The following CSMD1 variants were observed in gnomAD, a reference collection of about 807,000 sequenced individuals.
CSMD1 encodes CUB and Sushi multiple domains 1.
CSMD1 carries 213 observed loss-of-function variants against 417.5 expected under a neutral mutation model. The ratio of observed to expected loss-of-function variants is 0.51; its 90% CI spans 0.46 to 0.57. CSMD1 has a LOEUF of 0.57. Among genes scored for constraint, CSMD1 ranks in the 20% least tolerant of loss-of-function variants. The pLI, the probability that CSMD1 is intolerant of heterozygous loss-of-function variation, is 0.00. For synonymous variants in CSMD1, 2,862 were observed against 1,736.8 expected (o/e 1.65, Z -16.11); for missense variants, 6,923 against 4,529.7 (o/e 1.53, Z -15.17).
chr8:4,522,986 T>A (rs1455853607), intron 2 of CSMD1, among the ~76,000 whole-genome samples: 1 of 152,018 alleles, frequency 6.6e-6, no homozygotes, highest in African/African-American at 2.4e-5. Context: ...ATGTTCAAAG[T>A]CCCCCAAGTA....
intron 12 of CSMD1, among the ~76,000 whole-genome samples, chr8:3,452,854 C>G (rs1815840466): frequency 6.6e-6 from 1 of 152,184 alleles, no homozygotes; most frequent in Non-Finnish European, 1.5e-5. Context: ...GGAGGATTCC[C>G]TCTTTTTCTA....
intron 3 of CSMD1, among the ~76,000 whole-genome samples, chr8:4,187,880 C>T (rs1210767188): frequency 3.9e-5 from 6 of 151,930 alleles, no homozygotes; most frequent in Non-Finnish European, 5.9e-5. Flanking sequence ...TCTCTCAGGC[C>T]ATGGCAGCAC....
intron 1 of CSMD1, among the ~76,000 whole-genome samples, chr8:4,915,640 C>T (rs887575373): frequency 2.0e-5 from 3 of 152,212 alleles, no homozygotes; most frequent in Admixed American, 2.0e-4. Context: ...TCCCAACCTT[C>T]ACACCCAGAC....
chr8:3,395,185 G>A (rs566436940), intron 17 of CSMD1, among the ~76,000 whole-genome samples: 1 of 152,156 alleles, frequency 6.6e-6, no homozygotes, highest in African/African-American at 2.4e-5. Flanking sequence ...ATACGTGTGG[G>A]TATATGTAAA....
At chr8:3,163,719 C>A (rs886087804) in intron 37 of CSMD1, among the ~76,000 whole-genome samples, 4 of 152,170 alleles carry the variant, frequency 2.6e-5, no homozygotes, top group Non-Finnish European at 5.9e-5. Context: ...AGTGCCCACT[C>A]AGGAAGCAGC....
chr8:4,426,491 A>G (rs1198485883), intron 2 of CSMD1, among the ~76,000 whole-genome samples: 1 of 148,038 alleles, frequency 6.8e-6, no homozygotes. Flanking sequence ...TGACATATAT[A>G]GTAAAGTTTT....
At chr8:3,340,870 C>G (rs1807597089) in intron 23 of CSMD1, among the ~76,000 whole-genome samples, 1 of 152,042 alleles carries the variant, frequency 6.6e-6, no homozygotes, top group Admixed American at 6.6e-5. Context: ...GCAGGTGGAA[C>G]AGAAAGGTGA....
At chr8:2,968,465 C>G (rs370236093) in intron 57 of CSMD1, among the ~76,000 whole-genome samples, 9 of 152,278 alleles carry the variant, frequency 5.9e-5, no homozygotes, top group Admixed American at 4.6e-4. Context: ...TGTAAGGAAA[C>G]TAAAATGTTA....
chr8:3,760,731 C>A (rs1171310415), intron 5 of CSMD1, among the ~76,000 whole-genome samples: 1 of 152,136 alleles, frequency 6.6e-6, no homozygotes, highest in Admixed American at 6.5e-5. Flanking sequence ...TACATTAAGC[C>A]AGATTTCTTA....
intron 3 of CSMD1, among the ~76,000 whole-genome samples, chr8:4,308,554 G>C (rs553482970): frequency 6.6e-6 from 1 of 152,166 alleles, no homozygotes. Context: ...CGTTGTCTTC[G>C]ATATATCTTC....
rs144382240 is a variant in CSMD1 at position 3,666,638 on chromosome 8, G to C, written c.1009+41776C>G. ...GAGAGGGACCCAGAGGGAGATAATT[G>C]AATCATGGGGGCAGTTTCCCCCATA... On this transcript the variant is annotated intron_variant, in intron 7 of 69. Transcript: ENST00000635120. Among the ~76,000 whole-genome samples, 605 of 152,258 alleles carry C rather than the reference G, an allele frequency of 4.0e-3. 3 individuals carry two copies. Among genetic ancestry groups the C allele is most frequent in the African/African-American group, 0.014 (581 of 41,540 alleles).
At chr8:4,361,689 C>T (rs1453615633) in intron 3 of CSMD1, among the ~76,000 whole-genome samples, 2 of 152,088 alleles carry the variant, frequency 1.3e-5, no homozygotes, top group Admixed American at 6.6e-5. Flanking sequence ...GACGGCTTGG[C>T]TCACGCCTGT....
At chr8:3,946,093 A>T (rs1811205301) in intron 5 of CSMD1, among the ~76,000 whole-genome samples, 1 of 152,064 alleles carries the variant, frequency 6.6e-6, no homozygotes, top group Admixed American at 6.6e-5. Context: ...TCTGTGGAGG[A>T]CTTTATCGCT....
chr8:4,882,718 A>G (rs1803490943), intron 1 of CSMD1, among the ~76,000 whole-genome samples: 1 of 151,890 alleles, frequency 6.6e-6, no homozygotes, highest in Non-Finnish European at 1.5e-5. Context: ...CCAGACTAAA[A>G]CACCTTTATA....
chr8:4,001,591 G>C (rs573553072), intron 4 of CSMD1, among the ~76,000 whole-genome samples: 38 of 152,250 alleles, frequency 2.5e-4, no homozygotes, highest in South Asian at 8.3e-4. Flanking sequence ...GGCTGAGCTG[G>C]ATAAACTGCA....
chr8:3,604,681 G>C (rs903468090), intron 8 of CSMD1, among the ~76,000 whole-genome samples: 1 of 152,146 alleles, frequency 6.6e-6, no homozygotes, highest in Non-Finnish European at 1.5e-5. Flanking sequence ...AAGAGCTAGA[G>C]GTCCCTAGAT....
chr8:4,172,943 C>G (rs963604612), intron 3 of CSMD1, among the ~76,000 whole-genome samples: 1 of 152,090 alleles, frequency 6.6e-6, no homozygotes, highest in Non-Finnish European at 1.5e-5. Context: ...TACAGAAAAA[C>G]CTCGAGGGCT....
rs1437555406 is a variant in CSMD1, at chr8:2,950,174, C to T, written c.10314+57G>A. 2.6e-6 allele frequency: 3 copies of T among 1,165,608 alleles called. No homozygotes were observed. The African/African-American group carries it at 4.6e-5, about 18-fold the overall frequency. The allele number at this position is 1,165,608 out of a possible 1,614,324, so 72.2% of individuals were successfully genotyped here. A position where few individuals can be genotyped will look rare whatever the true frequency, so the allele number is the denominator to read the frequency against. ...CTCCAATCCGTAGCCCTTGCATCTG[C>T]ACAGAGAGATGATTAGAAAGCCTGT... On this transcript the variant is annotated intron_variant, in intron 67 of 69. Transcript: ENST00000635120.
At chr8:3,199,682 T>C in intron 33 of CSMD1, 32 bp downstream of exon 33, 1 of 1,411,542 alleles carries the variant, frequency 7.1e-7, no homozygotes, top group Non-Finnish European at 9.8e-7. Context: ...AAGACCACAG[T>C]GACATGTGGA....
Sources: allele counts gnomAD v4.1 joint callset (sites outside exome capture counted in the v4.1 genomes callset), GRCh38; gene constraint gnomAD v4.1.1; transcripts MANE v1.5; gene names NCBI Gene and HGNC (gene_info 2026-07-23, HGNC 2026-07-21).